The following TNS1 variants were observed in gnomAD, a reference collection of about 807,000 sequenced individuals.
TNS1 encodes the protein tensin 1.
Under a neutral mutation model 168.6 loss-of-function variants are expected in TNS1, and 62 were observed. The ratio of observed to expected loss-of-function variants is 0.37; its 90% CI spans 0.30 to 0.45. The LOEUF (loss-of-function observed/expected upper bound fraction) is 0.45. Among genes scored for constraint, TNS1 ranks in the 20% least tolerant of loss-of-function variants. The pLI is 1.00. For missense variants in TNS1, 2,240 were observed against 2,339.4 expected (o/e 0.96, Z 0.88); for synonymous variants, 934 against 933.2 (o/e 1.00, Z -0.02).
At chr2:217,862,461 G>A (rs1276256476) in intron 18 of TNS1, among the ~76,000 whole-genome samples, 3 of 152,180 alleles carry the variant, frequency 2.0e-5, no homozygotes, top group African/African-American at 7.2e-5. Flanking sequence ...TAAAACACAA[G>A]TTCTAGAGGT....
intron 11 of TNS1, among the ~76,000 whole-genome samples, chr2:217,891,726 C>T (rs1198472709): frequency 6.6e-6 from 1 of 152,236 alleles, no homozygotes; most frequent in Non-Finnish European, 1.5e-5. Flanking sequence ...GGCTCTGCCA[C>T]CTCCCAGCTT....
intron 2 of TNS1, 100 bp from the exon 3 acceptor site, chr2:217,978,902 G>C: frequency 7.2e-6 from 5 of 693,488 alleles, no homozygotes; most frequent in Non-Finnish European, 1.3e-5. Flanking sequence ...TCCGCGCTCG[G>C]GAAGGAAGGA....
In TNS1 at chr2:217,880,146, T is replaced by C. The variant is rs1950554837; in HGVS notation, c.1429+752A>G. ...CTCAAGAGTTCCTGGGCTCTGGGCA[T>C]GCTCACTTTCGGAGCCCGCCCCACG... On this transcript the variant is annotated intron_variant, in intron 18 of 32. Coordinates refer to ENST00000682258, the MANE Select transcript of TNS1 (RefSeq NM_001387777.1). This position sits in a 1 kb window ranked among gnomAD's most constrained non-coding sequence, Gnocchi z 4.2. 6.6e-6 allele frequency among the ~76,000 whole-genome samples: 1 copy of C among 152,214 alleles called. No individual in the cohort carries two copies. Among genetic ancestry groups the C allele is most frequent in the Non-Finnish European group, 1.5e-5 (1 of 68,048 alleles).
chr2:218,006,938 A>G (rs10184138), upstream of TNS1, among the ~76,000 whole-genome samples: 121,207 of 151,468 alleles, frequency 0.8, 48,659 homozygotes, highest in East Asian at 0.95. Flanking sequence ...CTGCGTCAAG[A>G]AAGGTGGCGT....
At chr2:217,897,648 C>G (rs768291251) in intron 8 of TNS1, 150 bp downstream of exon 8, 4 of 815,884 alleles carry the variant, frequency 4.9e-6, no homozygotes, top group Non-Finnish European at 7.6e-6. Flanking sequence ...GACTCAGGCA[C>G]GAGAGCTGCC....
At chr2:217,858,562 G>T in intron 18 of TNS1, 2 of 986,236 alleles carry the variant, frequency 2.0e-6, no homozygotes, top group Non-Finnish European at 2.4e-6. Flanking sequence ...GGTGCCCCAA[G>T]TTCCCAATAA....
intron 18 of TNS1, chr2:217,859,616 G>GTGTGTGTCTGGCCAGGTATAT: frequency 6.5e-7 from 1 of 1,534,504 alleles, no homozygotes; most frequent in Non-Finnish European, 8.7e-7. Context: ...GGGAAGGCCA[G>GTGTGTGTCTGGCCAGGTATAT]TGTGTGTCTG....
intron 18 of TNS1, among the ~76,000 whole-genome samples, chr2:217,855,625 G>A (rs1313782050): frequency 6.6e-6 from 1 of 152,086 alleles, no homozygotes; most frequent in African/African-American, 2.4e-5. Context: ...CCACAATGTG[G>A]TCTGTGTGAA....
chr2:217,805,507 C>CACACACACCA (rs1559131974), intron 32 of TNS1, among the ~76,000 whole-genome samples: 1 of 30,714 alleles, frequency 3.3e-5, no homozygotes, highest in Admixed American at 4.9e-4. Flanking sequence ...ACACACACCA[C>CACACACACCA]CACACACACC....
intron 3 of TNS1, among the ~76,000 whole-genome samples, chr2:217,963,971 A>C (rs773487441): frequency 1.3e-5 from 2 of 151,952 alleles, no homozygotes; most frequent in South Asian, 4.2e-4. Flanking sequence ...ATCTTAAAAC[A>C]AGAGACTTTG....
At chr2:217,828,357 G>A (rs972731949) in intron 22 of TNS1, among the ~76,000 whole-genome samples, 1 of 152,250 alleles carries the variant, frequency 6.6e-6, no homozygotes, top group Admixed American at 6.5e-5. Context: ...GAGGAGCACA[G>A]GCCATCCCCG....
At chr2:217,894,474 C>T (rs1017397037) in intron 9 of TNS1, among the ~76,000 whole-genome samples, 1 of 152,126 alleles carries the variant, frequency 6.6e-6, no homozygotes, top group Non-Finnish European at 1.5e-5. Context: ...CTGGCCAACA[C>T]GGCGAAACCC....
chr2:217,863,949 A>T (rs1191588989), intron 18 of TNS1, among the ~76,000 whole-genome samples: 1 of 152,188 alleles, frequency 6.6e-6, no homozygotes, highest in African/African-American at 2.4e-5. Context: ...CCCAGTGGAC[A>T]GGGAAGACAG....
intron 6 of TNS1, among the ~76,000 whole-genome samples, chr2:217,904,160 T>G (rs1208229769): frequency 6.6e-6 from 1 of 152,096 alleles, no homozygotes; most frequent in Non-Finnish European, 1.5e-5. Flanking sequence ...AGCACCCCCT[T>G]CAGCCACACC....
rs1405093651 is a variant in TNS1, at chr2:217,908,855, T to C, written c.229-1604A>G. On this transcript the variant is annotated intron_variant, in intron 4 of 32. Transcript: ENST00000682258. ...CCCCTCCCACACCTCTCCTCCACTA[T>C]CCTCCCTGCTGCTAGGTACACCACC... is the stretch of plus-strand genomic sequence containing the variant. Among the ~76,000 whole-genome samples, 3 of 151,912 alleles carry C rather than the reference T, an allele frequency of 2.0e-5. No homozygotes were observed. The East Asian group carries it at 5.8e-4, about 29-fold the overall frequency.
At chr2:217,958,254 A>G (rs1310623236) in intron 3 of TNS1, among the ~76,000 whole-genome samples, 2 of 151,464 alleles carry the variant, frequency 1.3e-5, no homozygotes, top group Non-Finnish European at 3.0e-5. Flanking sequence ...TAGGATGGTG[A>G]TAACTGACAT....
At chr2:218,002,477 C>T (rs994483160) in intron 1 of TNS1, among the ~76,000 whole-genome samples, 4 of 150,938 alleles carry the variant, frequency 2.7e-5, no homozygotes, top group African/African-American at 7.3e-5. Flanking sequence ...TGAGGGGGGG[C>T]GGTGAAGAAT....
chr2:217,991,552 T>C (rs1958366500), intron 1 of TNS1, among the ~76,000 whole-genome samples: 1 of 152,104 alleles, frequency 6.6e-6, no homozygotes, highest in Non-Finnish European at 1.5e-5. Context: ...CTCCTCAAGA[T>C]GGAATTATCC....
chr2:218,014,870 C>CGGAAGGAAGGAAGGAAGGAAGGAA (rs56964991), upstream of TNS1, among the ~76,000 whole-genome samples: 2 of 98,110 alleles, frequency 2.0e-5, no homozygotes, highest in East Asian at 3.9e-4. Flanking sequence ...GAAGGAAGGA[C>CGGAAGGAAGGAAGGAAGGAAGGAA]GGAAGGAAGG....
Sources: gnomAD v4.1 joint callset for allele counts (sites outside exome capture counted in the v4.1 genomes callset) on GRCh38, gnomAD v4.1.1 for gene constraint, Gnocchi (gnomAD v3.1) non-coding constraint, MANE v1.5 for transcripts, NCBI Gene and HGNC (gene_info 2026-07-23, HGNC 2026-07-21) for gene names.